Variants in ARHGAP33 observed in about 807,000 individuals in gnomAD.
ARHGAP33 encodes the protein Rho GTPase activating protein 33.
ARHGAP33 carries 57 observed loss-of-function variants against 126.2 expected under a neutral mutation model. The ratio of observed to expected loss-of-function variants is 0.45; its 90% CI spans 0.36 to 0.56. The LOEUF is 0.56. Ranked by LOEUF, ARHGAP33 falls within the 20% of genes least tolerant of loss-of-function variation. ARHGAP33 has a pLI of 0.00. For synonymous variants in ARHGAP33, 711 were observed against 755.0 expected, an observed-to-expected ratio of 0.94 and a Z score of 0.95; for missense variants, 1,500 against 1,748.3, an observed-to-expected ratio of 0.86 and a Z score of 2.53.
rs755068272 is a variant in ARHGAP33, at chr19:35,780,971, G to A, written c.881G>A (p.Arg294His). The change falls in exon 11 of 21, where the codon CGC becomes CAC. Residue 294 changes from arginine (R) to histidine (H), a missense_variant. Physicochemically the swap from Arg to His is conservative, Grantham distance 29. This residue lies in a region of ARHGAP33 where 281 missense variants were observed against 413.7 expected (regional missense o/e 0.68). Transcript: ENST00000007510. ...KLAGLLRTFM[R>H]SRPSRQRLRQ... ...GCCGGCCTGCTCCGCACCTTCATGCGCTCCCGCCCTTCTCGGCAGCGGCTG... is the reference window on the plus strand; with the variant it reads ...GCCGGCCTGCTCCGCACCTTCATGCACTCCCGCCCTTCTCGGCAGCGGCTG... The A allele has an allele frequency of 3.7e-6, 6 of 1,610,314 alleles. No individual in the cohort carries two copies. The highest frequency in any genetic ancestry group is 1.7e-4 in the Middle Eastern group (1 of 6,060).
intron 16 of ARHGAP33, 137 bp from the exon 17 acceptor site, chr19:35,784,816 T>A: frequency 1.6e-6 from 2 of 1,224,932 alleles, no homozygotes; most frequent in Admixed American, 4.0e-5. Context: ...TGCTCCCGCC[T>A]GATCCGCCCC....
chr19:35,780,247 G>T lies in ARHGAP33; in HGVS notation c.538G>T (p.Glu180Ter). Reference protein sequence around the residue: ...NHGRRLLLSEEASLNIPAVAA... With the variant: ...NHGRRLLLSE ...CGGCCGGCGACTGCTCCTCAGTGAG[G>T]AGGCGTCACTCAATATCCCTGCAGT... Residue 180 changes from glutamate (E) to a stop codon, truncating the protein, a stop_gained, in exon 7 of 21, where the codon GAG becomes TAG. Coordinates refer to ENST00000007510, the MANE Select transcript of ARHGAP33 (RefSeq NM_001366178.1). LOFTEE classifies it high-confidence loss of function. The T allele has an allele frequency of 6.2e-7, 1 of 1,614,004 alleles. No individual in the cohort carries two copies. The highest frequency in any genetic ancestry group is 1.1e-5 in the South Asian group (1 of 91,082).
intron 10 of ARHGAP33, 39 bp from the exon 11 acceptor site, chr19:35,780,881 A>G: frequency 6.2e-7 from 1 of 1,612,124 alleles, no homozygotes; most frequent in South Asian, 1.1e-5. Context: ...TGCTGACCCC[A>G]CAAGACCTGC....
At chr19:35,780,375 C>A (rs757936979) in intron 7 of ARHGAP33, 42 bp downstream of exon 7, 11 of 1,610,742 alleles carry the variant, frequency 6.8e-6, no homozygotes, top group African/African-American at 5.3e-5. Context: ...GCTCCCCACA[C>A]CCCCTGCTCC....
Position 35,785,052 on chromosome 19 carries a change from T to G in ARHGAP33, c.1667T>G (p.Leu556Arg), listed in dbSNP as rs552234118. The G allele has an allele frequency of 6.4e-7, 1 of 1,556,974 alleles. No homozygotes were observed. The highest frequency in any genetic ancestry group is 1.9e-5 in the Admixed American group (1 of 51,324). ...EEAQARTQGR[L>R]GTPTEPTTPK... ...GCCCAGGCACGCACCCAGGGCCGGCTGGGGACGCCCACGGAGCCCACAACT... is the reference window on the plus strand; with the variant it reads ...GCCCAGGCACGCACCCAGGGCCGGCGGGGGACGCCCACGGAGCCCACAACT... Residue 556 changes from leucine to arginine, a missense_variant, in exon 17 of 21, where the codon CTG (leucine) becomes CGG (arginine). Physicochemically the swap from Leu to Arg is moderately radical, Grantham distance 102. Coordinates refer to ENST00000007510, the MANE Select transcript of ARHGAP33 (RefSeq NM_001366178.1).
chr19:35,779,169 G>C, intron 6 of ARHGAP33, 45 bp downstream of exon 6: 1 of 1,481,034 alleles, frequency 6.8e-7, no homozygotes, highest in Non-Finnish European at 9.2e-7. Flanking sequence ...GGGTGAGGGG[G>C]TGTCTGAGGG....
intron 1 of ARHGAP33, among the ~76,000 whole-genome samples, chr19:35,777,129 G>T (rs1203864965): frequency 1.3e-5 from 2 of 152,170 alleles, no homozygotes; most frequent in African/African-American, 4.8e-5. Context: ...TCAGCTCAGG[G>T]AAGTCTCGAT....
chr19:35,781,333 A>T, intron 12 of ARHGAP33, 81 bp downstream of exon 12: 1 of 1,404,238 alleles, frequency 7.1e-7, no homozygotes, highest in Admixed American at 1.7e-5. Context: ...CATGCTGGGG[A>T]CACAGTTACC....
chr19:35,788,393 C>T lies in ARHGAP33; in HGVS notation c.3828C>T (p.Ser1276=). ...CCCCTTACCCCACTCCCAGCTGGTC[C>T]CTCCACTCTGAGGGCCAGACCCGAA... ...PPPPYPTPSW[S]LHSEGQTRSY... The change falls in exon 21 of 21, where the codon TCC becomes TCT. Residue 1276 remains serine (S), a synonymous_variant. Transcript: ENST00000007510. The T allele has an allele frequency of 6.3e-7, 1 of 1,583,514 alleles. No individual in the cohort carries two copies. The highest frequency in any genetic ancestry group is 8.6e-7 in the Non-Finnish European group (1 of 1,165,344).
chr19:35,786,073 C>T lies in ARHGAP33; in HGVS notation c.1943-340C>T, dbSNP rs1268998354. ...GGGCTGCTTATCCACCCCACCCAGC[C>T]GTGCCTCTGGGGGCTCTTCTGAGCC... On this transcript the variant is annotated intron_variant, in intron 19 of 20. Coordinates refer to ENST00000007510, the MANE Select transcript of ARHGAP33 (RefSeq NM_001366178.1). The surrounding 1 kb of genome is among the most constrained non-coding windows in gnomAD (Gnocchi z 7.0). 3 of 1,191,474 alleles carry T rather than the reference C, an allele frequency of 2.5e-6. No individual in the cohort carries two copies. Among genetic ancestry groups the T allele is most frequent in the Admixed American group, 4.2e-5 (1 of 23,896 alleles). 73.8% of individuals were successfully genotyped at this position (1,191,474 alleles called of 1,614,324 possible).
chr19:35,778,641 G>T (rs748362553), intron 5 of ARHGAP33, 40 bp downstream of exon 5: 3 of 1,594,318 alleles, frequency 1.9e-6, no homozygotes, highest in Non-Finnish European at 2.6e-6. Flanking sequence ...TCATGAGTGT[G>T]TCCTCATCCA....
chr19:35,780,951 C>T lies in ARHGAP33; in HGVS notation c.861C>T (p.Gly287=). 1 of 1,609,660 alleles carries T rather than the reference C, an allele frequency of 6.2e-7. No homozygotes were observed. The highest frequency in any genetic ancestry group is 8.5e-7 in the Non-Finnish European group (1 of 1,179,924). The stretch of plus-strand genomic sequence containing the variant: ...CACGGCCTCGTGGGAAGCTGGCCGG[C>T]CTGCTCCGCACCTTCATGCGCTCCC... ...AVPRPRGKLA[G]LLRTFMRSRP... Residue 287 remains glycine (G), a synonymous_variant, in exon 11 of 21, where the codon GGC becomes GGT. Transcript: ENST00000007510.
In ARHGAP33 at chr19:35,788,304, G is replaced by A. The variant is rs751847983; in HGVS notation, c.3739G>A (p.Glu1247Lys). 3.1e-6 allele frequency: 5 copies of A among 1,608,328 alleles called. No homozygotes were observed. The highest frequency in any genetic ancestry group is 1.7e-4 in the Middle Eastern group (1 of 6,058). ...AAPPAYGRGG[E>K]LHRGSLYRNG... ...CCCGCCAGCCTACGGAAGGGGGGGCGAGCTCCACCGAGGGTCCTTGTACAG... is the reference window on the plus strand; with the variant it reads ...CCCGCCAGCCTACGGAAGGGGGGGCAAGCTCCACCGAGGGTCCTTGTACAG... Residue 1247 changes from glutamate to lysine, a missense_variant, in exon 21 of 21, where the codon GAG becomes AAG. Coordinates refer to ENST00000007510, the MANE Select transcript of ARHGAP33 (RefSeq NM_001366178.1).
Position 35,779,143 on chromosome 19 carries a change from C to T in ARHGAP33, c.501+19C>T, listed in dbSNP as rs1360839244. On this transcript the variant is annotated intron_variant, in intron 6 of 20. Coordinates refer to ENST00000007510, the MANE Select transcript of ARHGAP33 (RefSeq NM_001366178.1). ...GATGGAGGTGGGCCTGGGCAGGGGG[C>T]TTGGAGATTCCGAGTGGGTGAGGGG... 1 of 1,544,498 alleles carries T rather than the reference C, an allele frequency of 6.5e-7. No homozygotes were observed. The highest frequency in any genetic ancestry group is 2.0e-5 in the Admixed American group (1 of 50,736).
At chr19:35,780,083 A>G (rs1971671132) in intron 6 of ARHGAP33, 128 bp from the exon 7 acceptor site, 6 of 1,325,856 alleles carry the variant, frequency 4.5e-6, no homozygotes, top group Non-Finnish European at 6.4e-6. Flanking sequence ...GTGTTTGACC[A>G]ATAGCTCTGA....
At position 35,782,930 on chromosome 19, in the gene ARHGAP33, C is replaced by A; in HGVS notation, c.1421+61C>A. ...TTTCCCCAAAACCACCCCAGGAACC[C>A]GCCCAGCTTTTCTTTTGTTTATTCA... On this transcript the variant is annotated intron_variant, in intron 15 of 20. Coordinates refer to ENST00000007510, the MANE Select transcript of ARHGAP33 (RefSeq NM_001366178.1). This position sits in a 1 kb window ranked among gnomAD's most constrained non-coding sequence, Gnocchi z 4.1. 7.0e-7 allele frequency: 1 copy of A among 1,424,692 alleles called. No homozygotes were observed. The highest frequency in any genetic ancestry group is 9.6e-7 in the Non-Finnish European group (1 of 1,036,984). 88.3% of individuals were successfully genotyped at this position (1,424,692 alleles called of 1,614,324 possible). A position where few individuals can be genotyped will look rare whatever the true frequency, so the allele number is the denominator to read the frequency against.
At chr19:35,777,996 T>C (rs924586302) in intron 3 of ARHGAP33, 88 bp downstream of exon 3, 23 of 1,479,130 alleles carry the variant, frequency 1.6e-5, no homozygotes, top group Non-Finnish European at 2.1e-5. Flanking sequence ...TTCTGAAACT[T>C]ATCCCTGTGA....
Position 35,787,464 on chromosome 19 carries a change from C to G in ARHGAP33, c.2899C>G (p.Pro967Ala). 6.2e-7 allele frequency: 1 copy of G among 1,612,408 alleles called. No homozygotes were observed. The highest frequency in any genetic ancestry group is 2.2e-5 in the East Asian group (1 of 44,848). The change falls in exon 21 of 21, where the codon CCA becomes GCA. Residue 967 changes from proline (P) to alanine (A), a missense_variant. Physicochemically the swap from Pro to Ala is conservative, Grantham distance 27 (BLOSUM62 -1). Transcript: ENST00000007510. ...AHPGAWVPGPPPYLPRQQSDG... is the reference protein window; with the variant it reads ...AHPGAWVPGPAPYLPRQQSDG... The stretch of plus-strand genomic sequence containing the variant: ...CCCGGGTGCCTGGGTCCCGGGACCC[C>G]CACCCTACTTACCAAGGCAACAAAG...
Position 35,786,950 on chromosome 19 carries a change from G to A in ARHGAP33, c.2480G>A (p.Ser827Asn). The change falls in exon 20 of 21, where the codon AGC becomes AAC. Residue 827 changes from serine (S) to asparagine (N), a missense_variant. By Grantham distance (46) the Ser-to-Asn change is conservative (BLOSUM62 1). Coordinates refer to ENST00000007510, the MANE Select transcript of ARHGAP33 (RefSeq NM_001366178.1). This position sits in a 1 kb window ranked among gnomAD's most constrained non-coding sequence, Gnocchi z 7.0. Reference protein sequence around the residue: ...PASATPTPALSPGRSLRPHLI... With the variant: ...PASATPTPALNPGRSLRPHLI... ...TCAGCCACCCCAACACCAGCTCTCAGCCCCGGCCGGAGCCTGCGCCCCCAT... is the reference window on the plus strand; with the variant it reads ...TCAGCCACCCCAACACCAGCTCTCAACCCCGGCCGGAGCCTGCGCCCCCAT... The A allele has an allele frequency of 6.2e-7, 1 of 1,610,730 alleles. No homozygotes were observed. Among genetic ancestry groups the A allele is most frequent in the Non-Finnish European group, 8.5e-7 (1 of 1,179,448 alleles).
Sources: allele counts gnomAD v4.1 joint callset (sites outside exome capture counted in the v4.1 genomes callset), GRCh38; gene constraint gnomAD v4.1.1; regional missense constraint gnomAD v4.1.1; non-coding constraint Gnocchi (gnomAD v3.1); transcripts MANE v1.5; gene names NCBI Gene and HGNC (gene_info 2026-07-23, HGNC 2026-07-21).